SIPA1L1: variants seen among roughly 807,000 people sequenced by gnomAD.
SIPA1L1 encodes the protein signal induced proliferation associated 1 like 1.
In SIPA1L1, 26 loss-of-function variants were observed where a neutral mutation model predicts 162.7. That is an observed-to-expected ratio of 0.16 (90% CI 0.12 to 0.22). The LOEUF (loss-of-function observed/expected upper bound fraction) is 0.22, where lower values mean the gene tolerates loss of function less well. Ranked by LOEUF, SIPA1L1 falls within the 10% of genes least tolerant of loss-of-function variation. The probability of loss-of-function intolerance (pLI) is 1.00; values close to 1 mark genes in which losing one functional copy is unlikely to be tolerated. For synonymous variants in SIPA1L1, 829 were observed against 837.4 expected, an observed-to-expected ratio of 0.99 and a Z score of 0.17; for missense variants, 1,874 against 2,241.0, an observed-to-expected ratio of 0.84 and a Z score of 3.31.
chr14:71,507,720 T>C (rs1369394482), intron 2 of SIPA1L1, among the ~76,000 whole-genome samples: 1 of 152,248 alleles, frequency 6.6e-6, no homozygotes, highest in African/African-American at 2.4e-5. Context: ...TCCTTCATTA[T>C]TGCCATTTCC....
At chr14:71,577,297 A>G (rs574225329) in intron 4 of SIPA1L1, among the ~76,000 whole-genome samples, 1 of 151,946 alleles carries the variant, frequency 6.6e-6, no homozygotes, top group Non-Finnish European at 1.5e-5. Context: ...TTTCTTTTAT[A>G]TTTTCAAAGT....
intron 2 of SIPA1L1, among the ~76,000 whole-genome samples, chr14:71,428,294 G>C (rs745464687): frequency 2.0e-5 from 3 of 151,864 alleles, no homozygotes; most frequent in Non-Finnish European, 4.4e-5. Flanking sequence ...ACCATGCCTG[G>C]CTGAAAACTG....
At chr14:71,700,535 CT>C (rs1489666244) in intron 14 of SIPA1L1, among the ~76,000 whole-genome samples, 1 of 152,068 alleles carries the variant, frequency 6.6e-6, no homozygotes, top group Non-Finnish European at 1.5e-5. Flanking sequence ...ATTGTGAGTC[CT>C]TTTTTTAAAT....
At chr14:71,607,167 G>A (rs1236968145) in intron 5 of SIPA1L1, among the ~76,000 whole-genome samples, 1 of 151,666 alleles carries the variant, frequency 6.6e-6, no homozygotes, top group Non-Finnish European at 1.5e-5. Context: ...CGAGTTCCAG[G>A]GGGAGGTGAC....
intron 2 of SIPA1L1, among the ~76,000 whole-genome samples, chr14:71,382,086 C>A (rs1225683998): frequency 6.6e-6 from 1 of 152,120 alleles, no homozygotes; most frequent in East Asian, 1.9e-4. Context: ...TAAGAGGAAG[C>A]CAATCCAAGT....
chr14:71,457,692 T>G (rs2046289646), intron 2 of SIPA1L1, among the ~76,000 whole-genome samples: 1 of 152,132 alleles, frequency 6.6e-6, no homozygotes, highest in Non-Finnish European at 1.5e-5. Flanking sequence ...CCTCCCAGGT[T>G]CAATCAATTC....
intron 16 of SIPA1L1, among the ~76,000 whole-genome samples, chr14:71,706,222 A>T (rs1007011559): frequency 6.6e-6 from 1 of 152,170 alleles, no homozygotes; most frequent in African/African-American, 2.4e-5. Context: ...AAACCTTTCT[A>T]TGAGGAAAAT....
chr14:71,672,470 G>T lies in SIPA1L1; in HGVS notation c.2952G>T (p.Trp984Cys), dbSNP rs371925124. 2.2e-5 allele frequency: 35 copies of T among 1,614,130 alleles called. 1 individual carries two copies. Among genetic ancestry groups the T allele is most frequent in the Admixed American group, 6.7e-5 (4 of 60,014 alleles). The change falls in exon 12 of 24, where the codon TGG (tryptophan) becomes TGT (cysteine). Residue 984 changes from tryptophan to cysteine, a missense_variant. By Grantham distance (215) the Trp-to-Cys change is radical. This residue lies in a region of SIPA1L1 where 936 missense variants were observed against 1,051.9 expected (regional missense o/e 0.89). Coordinates refer to ENST00000381232, the MANE Select transcript of SIPA1L1 (RefSeq NM_001386936.1). ...ATGTGGAGCCCTACGGTTATGCCTG[G>T]CAGGCAGGGCTGAGGCAGGGCAGTC... ...VADVEPYGYAWQAGLRQGSRL... is the reference protein window; with the variant it reads ...VADVEPYGYACQAGLRQGSRL...
At chr14:71,626,140 T>C (rs1567341302) in intron 7 of SIPA1L1, among the ~76,000 whole-genome samples, 1 of 152,252 alleles carries the variant, frequency 6.6e-6, no homozygotes, top group East Asian at 1.9e-4. Context: ...TCATAAATTA[T>C]TAATCATAAT....
chr14:71,412,539 G>A (rs1008906457), intron 2 of SIPA1L1, among the ~76,000 whole-genome samples: 3 of 152,182 alleles, frequency 2.0e-5, no homozygotes, highest in Non-Finnish European at 4.4e-5. Flanking sequence ...AGATCATAGT[G>A]TGAGGGCATG....
intron 13 of SIPA1L1, among the ~76,000 whole-genome samples, chr14:71,687,612 C>T (rs1437949873): frequency 1.3e-5 from 2 of 152,160 alleles, no homozygotes; most frequent in Admixed American, 1.3e-4. Context: ...TACTGACCTT[C>T]AAAAGGGAAA....
intron 2 of SIPA1L1, among the ~76,000 whole-genome samples, chr14:71,355,369 G>A (rs1052817718): frequency 4.6e-5 from 7 of 152,186 alleles, no homozygotes; most frequent in Non-Finnish European, 2.9e-5. Flanking sequence ...TGATGTGTCT[G>A]TGGTTTTAAC....
chr14:71,505,310 G>T (rs2143918434), intron 2 of SIPA1L1, among the ~76,000 whole-genome samples: 1 of 151,914 alleles, frequency 6.6e-6, no homozygotes, highest in South Asian at 2.1e-4. Flanking sequence ...TCTCTCTTAG[G>T]TCCTTAGTAG....
At position 71,628,961 on chromosome 14, in the gene SIPA1L1, G is replaced by A. The variant is rs540117501; in HGVS notation, c.1818+4725G>A. ...AAGTAGATGATTTTTTTTTTGAGAC[G>A]GAGTCTCACTCTGTTGCCCAGGCTG... On this transcript the variant is annotated intron_variant, in intron 7 of 23. Coordinates refer to ENST00000381232, the MANE Select transcript of SIPA1L1 (RefSeq NM_001386936.1). 5.3e-5 allele frequency among the ~76,000 whole-genome samples: 8 copies of A among 151,988 alleles called. No homozygotes were observed. The East Asian group carries it at 5.8e-4, about 11-fold the overall frequency.
intron 18 of SIPA1L1, 92 bp downstream of exon 18, chr14:71,723,978 C>A: frequency 6.7e-7 from 1 of 1,489,460 alleles, no homozygotes; most frequent in South Asian, 1.2e-5. Flanking sequence ...ACAAAAGAGG[C>A]CGGGCTAGGG....
At chr14:71,614,098 G>T (rs1440357729) in intron 5 of SIPA1L1, among the ~76,000 whole-genome samples, 2 of 152,080 alleles carry the variant, frequency 1.3e-5, no homozygotes, top group African/African-American at 2.4e-5. Context: ...TACTCAGGAG[G>T]CTGAGGCAGG....
Position 71,661,399 on chromosome 14 carries a change from A to G in SIPA1L1, c.2187A>G (p.Arg729=). 4.3e-6 allele frequency: 7 copies of G among 1,613,994 alleles called. No individual in the cohort carries two copies. Among genetic ancestry groups the G allele is most frequent in the Non-Finnish European group, 5.9e-6 (7 of 1,179,938 alleles). The change falls in exon 10 of 24, where the codon CGA becomes CGG. Residue 729 remains arginine (R), a synonymous_variant. Transcript: ENST00000381232. ...AGCCATTCAGCCCAAAAAACATCCG[A>G]TCCCACTTCCAGCACGTTTTCGTCA... ...GAQPFSPKNI[R]SHFQHVFVIV...
At chr14:71,417,804 T>C (rs2042915759) in intron 2 of SIPA1L1, among the ~76,000 whole-genome samples, 1 of 152,166 alleles carries the variant, frequency 6.6e-6, no homozygotes, top group South Asian at 2.1e-4. Context: ...CTAACTATAA[T>C]ACAGTATAAA....
intron 2 of SIPA1L1, among the ~76,000 whole-genome samples, chr14:71,401,712 TAAATG>T (rs1456733782): frequency 6.6e-6 from 1 of 152,058 alleles, no homozygotes; most frequent in Admixed American, 6.6e-5. Context: ...TATAAAATGT[TAAATG>T]AATGCTAAGA....
Sources: gnomAD v4.1 joint callset for allele counts (sites outside exome capture counted in the v4.1 genomes callset) on GRCh38, gnomAD v4.1.1 for gene constraint, gnomAD v4.1.1 regional missense constraint, MANE v1.5 for transcripts, NCBI Gene and HGNC (gene_info 2026-07-23, HGNC 2026-07-21) for gene names.